Variants in SNTG1 observed in about 807,000 individuals in gnomAD.
SNTG1 encodes the protein gamma-1-syntrophin.
A neutral mutation model predicts 74.7 loss-of-function variants in SNTG1; 39 were observed. That is an observed-to-expected ratio of 0.52 (90% confidence interval 0.40 to 0.68). SNTG1 has a LOEUF of 0.68. Ranked by LOEUF, SNTG1 falls within the 30% of genes least tolerant of loss-of-function variation. The probability of loss-of-function intolerance (pLI) is 0.00; values close to 1 mark genes in which losing one functional copy is unlikely to be tolerated. For missense variants in SNTG1, 685 were observed against 609.5 expected (o/e 1.12, Z -1.30); for synonymous variants, 254 against 217.1 (o/e 1.17, Z -1.49).
chr8:50,013,571 A>G (rs1816030457), intron 1 of SNTG1, among the ~76,000 whole-genome samples: 1 of 151,948 alleles, frequency 6.6e-6, no homozygotes, highest in Admixed American at 6.6e-5. Context: ...CTGTGACAGT[A>G]ACTATCTGGA....
At chr8:49,928,519 C>T (rs937395215) in intron 1 of SNTG1, among the ~76,000 whole-genome samples, 1 of 152,008 alleles carries the variant, frequency 6.6e-6, no homozygotes, top group Non-Finnish European at 1.5e-5. Context: ...GTGTGAGCCA[C>T]CGCGACCGGC....
intron 1 of SNTG1, among the ~76,000 whole-genome samples, chr8:50,010,257 T>C (rs934388374): frequency 6.6e-6 from 1 of 152,270 alleles, no homozygotes; most frequent in East Asian, 1.9e-4. Context: ...GGTGTATTAC[T>C]CAGAGTAACT....
At chr8:50,501,561 G>T (rs183210390) in intron 8 of SNTG1, among the ~76,000 whole-genome samples, 90 of 147,768 alleles carry the variant, frequency 6.1e-4, no homozygotes, top group African/African-American at 2.0e-3. Flanking sequence ...TTAGCCTCCC[G>T]AGTAGCTAGG....
intron 12 of SNTG1, among the ~76,000 whole-genome samples, chr8:50,571,148 G>C (rs1194227104): frequency 6.6e-6 from 1 of 152,098 alleles, no homozygotes; most frequent in Non-Finnish European, 1.5e-5. Context: ...TTTCTGGCCA[G>C]GGCAGCTCCA....
chr8:50,688,501 T>C (rs1197036565), intron 15 of SNTG1, among the ~76,000 whole-genome samples: 1 of 152,202 alleles, frequency 6.6e-6, no homozygotes, highest in African/African-American at 2.4e-5. Flanking sequence ...CAGCACCATT[T>C]ATTAAATAGG....
At chr8:50,601,119 C>G (rs1289015036) in intron 13 of SNTG1, among the ~76,000 whole-genome samples, 1 of 122,232 alleles carries the variant, frequency 8.2e-6, no homozygotes, top group Non-Finnish European at 1.6e-5. Flanking sequence ...GATCGCGTCA[C>G]TTCACTCCAG....
At chr8:50,690,630 T>C (rs1001393781) in intron 15 of SNTG1, among the ~76,000 whole-genome samples, 1 of 152,224 alleles carries the variant, frequency 6.6e-6, no homozygotes. Flanking sequence ...TTATCATTTC[T>C]GGTCTTTTGC....
chr8:50,071,894 A>C (rs1821401238), intron 1 of SNTG1, among the ~76,000 whole-genome samples: 1 of 151,942 alleles, frequency 6.6e-6, no homozygotes, highest in Non-Finnish European at 1.5e-5. Flanking sequence ...AATAGAGATA[A>C]GCATCAGGAA....
At chr8:50,644,856 T>C (rs1362628959) in intron 13 of SNTG1, among the ~76,000 whole-genome samples, 1 of 152,050 alleles carries the variant, frequency 6.6e-6, no homozygotes, top group African/African-American at 2.4e-5. Context: ...AACATTACTC[T>C]CTTGCCTTTT....
chr8:50,315,229 A>G (rs1355039420), intron 2 of SNTG1, among the ~76,000 whole-genome samples: 2 of 149,708 alleles, frequency 1.3e-5, no homozygotes, highest in Non-Finnish European at 2.9e-5. Context: ...TCTATGGTGC[A>G]GCGTTCAATG....
At chr8:50,510,895 T>C (rs998305223) in intron 9 of SNTG1, among the ~76,000 whole-genome samples, 1 of 152,284 alleles carries the variant, frequency 6.6e-6, no homozygotes, top group East Asian at 1.9e-4. Context: ...TTTTGAACAG[T>C]TTTTTGTGTC....
At chr8:50,432,043 A>G (rs1389618255) in intron 4 of SNTG1, among the ~76,000 whole-genome samples, 1 of 152,176 alleles carries the variant, frequency 6.6e-6, no homozygotes, top group Non-Finnish European at 1.5e-5. Context: ...ATTCTCATTT[A>G]TCAACATTTT....
At chr8:50,361,762 A>C (rs190787325) in intron 2 of SNTG1, among the ~76,000 whole-genome samples, 1 of 152,130 alleles carries the variant, frequency 6.6e-6, no homozygotes, top group Non-Finnish European at 1.5e-5. Context: ...GCTATTACAC[A>C]TCTAGGCTAC....
chr8:50,039,307 T>A (rs983387825), intron 1 of SNTG1, among the ~76,000 whole-genome samples: 1 of 151,728 alleles, frequency 6.6e-6, no homozygotes, highest in Non-Finnish European at 1.5e-5. Context: ...TGCAAAAAAG[T>A]AGCGGGGCAT....
chr8:50,201,714 G>A (rs1490941359), intron 2 of SNTG1, among the ~76,000 whole-genome samples: 1 of 152,052 alleles, frequency 6.6e-6, no homozygotes, highest in African/African-American at 2.4e-5. Flanking sequence ...GACAATCTCA[G>A]CAAACATAAG....
At position 50,313,377 on chromosome 8, in the gene SNTG1, A is replaced by T. The variant is rs777276181; in HGVS notation, c.-27-80835A>T. ...GGAAACAATTTAACAGGGCAGAAAG[A>T]CAACCATAGATAGAGAAAAATATTT... On this transcript the variant is annotated intron_variant, in intron 2 of 18. Coordinates refer to ENST00000642720, the MANE Select transcript of SNTG1 (RefSeq NM_018967.5). Among the ~76,000 whole-genome samples, 172 of 149,814 alleles carry T rather than the reference A, an allele frequency of 1.1e-3. 1 individual carries two copies. Among genetic ancestry groups the T allele is most frequent in the Non-Finnish European group, 1.5e-3 (100 of 67,946 alleles).
At chr8:50,387,558 A>T (rs1237243827) in intron 2 of SNTG1, among the ~76,000 whole-genome samples, 2 of 152,162 alleles carry the variant, frequency 1.3e-5, no homozygotes, top group African/African-American at 4.8e-5. Flanking sequence ...CCTTTCTAAC[A>T]CCCCAAATTT....
At chr8:50,612,761 T>C (rs888283011) in intron 13 of SNTG1, among the ~76,000 whole-genome samples, 6 of 152,218 alleles carry the variant, frequency 3.9e-5, no homozygotes, top group Admixed American at 6.5e-5. Flanking sequence ...GGTGAATTTT[T>C]CAGGACGTAA....
intron 8 of SNTG1, among the ~76,000 whole-genome samples, chr8:50,494,140 C>CACAT (rs2093883154): frequency 1.3e-5 from 2 of 150,268 alleles, no homozygotes; most frequent in African/African-American, 4.9e-5. Context: ...CACACACACA[C>CACAT]ATATATATAT....
Sources: gnomAD v4.1 joint callset for allele counts (sites outside exome capture counted in the v4.1 genomes callset) on GRCh38, gnomAD v4.1.1 for gene constraint, MANE v1.5 for transcripts, NCBI Gene and HGNC (gene_info 2026-07-23, HGNC 2026-07-21) for gene names.